Variants in PTPRN2 observed in about 807,000 individuals in gnomAD.
PTPRN2 encodes the protein receptor-type tyrosine-protein phosphatase N2.
PTPRN2 carries 74 observed loss-of-function variants against 118.8 expected under a neutral mutation model. That is an observed-to-expected ratio of 0.62 (90% CI 0.52 to 0.76). The LOEUF is 0.76. PTPRN2 is among the 30% of genes least tolerant of loss of function. The probability of loss-of-function intolerance (pLI) is 0.00; values close to 1 mark genes in which losing one functional copy is unlikely to be tolerated. For synonymous variants in PTPRN2, 641 were observed against 608.0 expected, an observed-to-expected ratio of 1.05 and a Z score of -0.80; for missense variants, 1,481 against 1,394.4, an observed-to-expected ratio of 1.06 and a Z score of -0.99.
At chr7:158,117,931 T>A (rs1816861725) in intron 9 of PTPRN2, among the ~76,000 whole-genome samples, 1 of 152,162 alleles carries the variant, frequency 6.6e-6, no homozygotes, top group Non-Finnish European at 1.5e-5. Flanking sequence ...CAAGGAGCCC[T>A]GCAGGATGAA....
At chr7:158,505,050 C>T (rs888482805) in intron 1 of PTPRN2, among the ~76,000 whole-genome samples, 2 of 152,206 alleles carry the variant, frequency 1.3e-5, no homozygotes, top group Admixed American at 1.3e-4. Context: ...CCCCTCCTCA[C>T]CCTATAGGGT....
At chr7:157,675,411 C>T (rs1328026618) in intron 13 of PTPRN2, among the ~76,000 whole-genome samples, 1 of 152,188 alleles carries the variant, frequency 6.6e-6, no homozygotes, top group East Asian at 1.9e-4. Context: ...GGGGCTCACC[C>T]GGGTGTTGGC....
intron 1 of PTPRN2, among the ~76,000 whole-genome samples, chr7:158,538,315 C>T (rs1825771226): frequency 6.6e-6 from 1 of 152,256 alleles, no homozygotes; most frequent in Non-Finnish European, 1.5e-5. Flanking sequence ...GCACGCTGCG[C>T]TCCCTCACAA....
intron 21 of PTPRN2, among the ~76,000 whole-genome samples, chr7:157,564,804 G>A (rs1049190324): frequency 2.6e-5 from 4 of 152,230 alleles, no homozygotes; most frequent in Non-Finnish European, 5.9e-5. Flanking sequence ...TCGATGTGGC[G>A]ATTCCGCCCC....
intron 1 of PTPRN2, among the ~76,000 whole-genome samples, chr7:158,581,199 A>G (rs1828608054): frequency 6.6e-6 from 1 of 152,134 alleles, no homozygotes; most frequent in African/African-American, 2.4e-5. Flanking sequence ...GGCTCCAGAG[A>G]CCTAGGACCC....
At chr7:157,866,625 C>T (rs537525929) in intron 12 of PTPRN2, among the ~76,000 whole-genome samples, 3 of 152,186 alleles carry the variant, frequency 2.0e-5, no homozygotes, top group South Asian at 4.1e-4. Flanking sequence ...CTCCCAGGCA[C>T]CCAGCATGAG....
At chr7:158,138,165 A>T in intron 7 of PTPRN2, 129 bp downstream of exon 7, 1 of 794,342 alleles carries the variant, frequency 1.3e-6, no homozygotes, top group South Asian at 1.8e-5. Flanking sequence ...AAAAATCATT[A>T]ATACAGATCC....
chr7:158,150,773 A>G (rs995881583), intron 6 of PTPRN2, among the ~76,000 whole-genome samples: 1 of 151,800 alleles, frequency 6.6e-6, no homozygotes, highest in Non-Finnish European at 1.5e-5. Flanking sequence ...GCGTATCTGC[A>G]GCACCGCGAC....
intron 2 of PTPRN2, among the ~76,000 whole-genome samples, chr7:158,325,267 C>A (rs1411707900): frequency 6.6e-6 from 1 of 152,274 alleles, no homozygotes; most frequent in South Asian, 2.1e-4. Context: ...TGGGCAGGGA[C>A]ACCTCCTGCT....
At chr7:158,149,703 C>G (rs1274834556) in intron 6 of PTPRN2, among the ~76,000 whole-genome samples, 1 of 151,588 alleles carries the variant, frequency 6.6e-6, no homozygotes, top group Non-Finnish European at 1.5e-5. Flanking sequence ...ACTCAGGAGG[C>G]TAAGGCAGGA....
chr7:158,441,334 TGGTG>T, intron 2 of PTPRN2, among the ~76,000 whole-genome samples: 1 of 140,462 alleles, frequency 7.1e-6, no homozygotes, highest in African/African-American at 2.7e-5. Flanking sequence ...GTGATGGTGA[TGGTG>T]ATCAGTGATG....
Position 158,316,895 on chromosome 7 carries a change from C to A in PTPRN2, c.201G>T (p.Met67Ile), listed in dbSNP as rs1233179625. The A allele has an allele frequency of 6.2e-7, 1 of 1,612,924 alleles. No individual in the cohort carries two copies. The highest frequency in any genetic ancestry group is 8.5e-7 in the Non-Finnish European group (1 of 1,179,976). The change falls in exon 3 of 23, where the codon ATG becomes ATT. Residue 67 changes from methionine (M) to isoleucine (I), a missense_variant. This residue lies in a region of PTPRN2 where 1,115 missense variants were observed against 994.2 expected (regional missense o/e 1.12). Transcript: ENST00000389418. ...VFGRCQKVPA[M>I]DFYRYEVSPV... ...GCGACACCTCGTAGCGGTAAAAGTC[C>A]ATTGCCGGAACCTTCTGGCACCTTC...
intron 22 of PTPRN2, among the ~76,000 whole-genome samples, chr7:157,544,570 TGAG>T (rs1798185487): frequency 6.6e-6 from 1 of 151,990 alleles, no homozygotes; most frequent in Admixed American, 6.5e-5. Context: ...TCCCGTCCAG[TGAG>T]GAGGGCATGG....
intron 12 of PTPRN2, among the ~76,000 whole-genome samples, chr7:157,700,104 T>C (rs1797993352): frequency 6.6e-6 from 1 of 152,250 alleles, no homozygotes. Flanking sequence ...TTCAGAAATA[T>C]GCCCAAAGAA....
intron 3 of PTPRN2, among the ~76,000 whole-genome samples, chr7:158,227,879 C>T (rs1828910704): frequency 6.6e-6 from 1 of 152,250 alleles, no homozygotes; most frequent in Non-Finnish European, 1.5e-5. Flanking sequence ...CTCAACTGTG[C>T]ACAGTGGGGG....
rs9654671 is a variant in PTPRN2 at position 157,656,264 on chromosome 7, G to A, written c.2196+93C>T. ...GTGCAGCCATCATCGCCCAGTCCCC[G>A]AGGGTCAGCGGGCGCAGATGCTGGG... On this transcript the variant is annotated intron_variant, in intron 14 of 22. Transcript: ENST00000389418. 2.8e-3 allele frequency: 3,640 copies of A among 1,316,690 alleles called. 62 individuals are homozygous for A. The African/African-American group carries it at 0.043, about 16-fold the overall frequency. 81.6% of individuals were successfully genotyped at this position (1,316,690 alleles called of 1,614,324 possible).
rs181479439 is a variant in PTPRN2 at position 158,417,484 on chromosome 7, A to C, written c.163+72251T>G. Among the ~76,000 whole-genome samples, 48 of 150,782 alleles carry C rather than the reference A, an allele frequency of 3.2e-4. 1 individual carries two copies. In the East Asian group the frequency reaches 6.6e-3, roughly 21 times the overall value. ...TGTTGTCATGGTGTACTACATCGAG[A>C]TGCTCTAGCTCTCAGTGTCCCACTG... On this transcript the variant is annotated intron_variant, in intron 2 of 22. Transcript: ENST00000389418.
At chr7:157,687,415 C>T (rs1036330076) in intron 12 of PTPRN2, among the ~76,000 whole-genome samples, 4 of 152,158 alleles carry the variant, frequency 2.6e-5, no homozygotes, top group African/African-American at 4.8e-5. Context: ...CTCTGAGTCA[C>T]GATGTGCAGT....
At chr7:157,718,636 C>T (rs939183501) in intron 12 of PTPRN2, among the ~76,000 whole-genome samples, 23 of 147,384 alleles carry the variant, frequency 1.6e-4, no homozygotes, top group Admixed American at 2.7e-4. Flanking sequence ...TCGGTGGCCC[C>T]GTGGTGAGTC....
Sources: allele counts gnomAD v4.1 joint callset (sites outside exome capture counted in the v4.1 genomes callset), GRCh38; gene constraint gnomAD v4.1.1; regional missense constraint gnomAD v4.1.1; transcripts MANE v1.5; gene names NCBI Gene and HGNC (gene_info 2026-07-23, HGNC 2026-07-21).